Variants in PCDH15 observed in about 807,000 individuals in gnomAD.
The protein encoded by PCDH15 is protocadherin-15.
A neutral mutation model predicts 178.5 loss-of-function variants in PCDH15; 129 were observed. The observed-to-expected ratio is 0.72, with a 90% confidence interval of 0.63 to 0.84. The LOEUF (loss-of-function observed/expected upper bound fraction) is 0.84, where lower values mean the gene tolerates loss of function less well. Ranked by LOEUF, PCDH15 falls within the 40% of genes least tolerant of loss-of-function variation. The pLI is 0.00. For synonymous variants in PCDH15, 800 were observed against 732.0 expected (o/e 1.09, Z -1.50); for missense variants, 2,230 against 2,099.9 (o/e 1.06, Z -1.21).
intron 26 of PCDH15, among the ~76,000 whole-genome samples, chr10:53,881,001 TA>T (rs777656169): frequency 7.2e-5 from 11 of 152,308 alleles, no homozygotes; most frequent in Admixed American, 1.3e-4. Flanking sequence ...TGTGTGTGTT[TA>T]AAAACACACA....
chr10:54,917,351 C>G (rs1026686918), intron 2 of PCDH15, among the ~76,000 whole-genome samples: 29 of 152,140 alleles, frequency 1.9e-4, no homozygotes, highest in African/African-American at 6.5e-4. Context: ...TAGCTGATGT[C>G]TGAACAAACA....
intron 2 of PCDH15, among the ~76,000 whole-genome samples, chr10:54,936,265 T>C (rs975324383): frequency 3.3e-5 from 5 of 152,110 alleles, no homozygotes; most frequent in Non-Finnish European, 7.4e-5. Context: ...TACTACATTA[T>C]ATATGTCCAT....
chr10:54,651,583 T>C (rs1257490688), intron 2 of PCDH15, among the ~76,000 whole-genome samples: 1 of 152,144 alleles, frequency 6.6e-6, no homozygotes, highest in African/African-American at 2.4e-5. Flanking sequence ...ACATCTATCA[T>C]GGGTAGGTGA....
intron 17 of PCDH15, among the ~76,000 whole-genome samples, chr10:54,077,458 A>C (rs2094361625): frequency 6.6e-6 from 1 of 152,174 alleles, no homozygotes; most frequent in African/African-American, 2.4e-5. Context: ...ACAGACTTAA[A>C]ATGTTCTAGC....
intron 2 of PCDH15, among the ~76,000 whole-genome samples, chr10:55,540,802 C>A (rs904243821): frequency 6.6e-6 from 1 of 151,992 alleles, no homozygotes; most frequent in African/African-American, 2.4e-5. Context: ...AGTGCAAATT[C>A]ACTCTTAATA....
chr10:53,986,744 T>C (rs903827660), intron 21 of PCDH15, among the ~76,000 whole-genome samples: 1 of 152,218 alleles, frequency 6.6e-6, no homozygotes, highest in Non-Finnish European at 1.5e-5. Context: ...TACCGCATGA[T>C]TGCATTTACA....
At chr10:55,475,023 C>A (rs994028430) in intron 2 of PCDH15, among the ~76,000 whole-genome samples, 1 of 152,070 alleles carries the variant, frequency 6.6e-6, no homozygotes, top group Non-Finnish European at 1.5e-5. Context: ...AGTACCTTCA[C>A]AACACTCGTC....
chr10:55,327,316 CTGTTTA>C (rs1844058297), intron 2 of PCDH15, among the ~76,000 whole-genome samples: 1 of 152,006 alleles, frequency 6.6e-6, no homozygotes, highest in African/African-American at 2.4e-5. Context: ...TAAATTTCTT[CTGTTTA>C]TAAGTCATTT....
At chr10:54,219,725 T>TA (rs1161540297) in intron 9 of PCDH15, among the ~76,000 whole-genome samples, 1 of 150,150 alleles carries the variant, frequency 6.7e-6, no homozygotes, top group Non-Finnish European at 1.5e-5. Context: ...GAAAAGAAAC[T>TA]AAAAAACAAA....
At position 54,172,995 on chromosome 10, in the gene PCDH15, T is replaced by C. The variant is rs189935854; in HGVS notation, c.1590+10449A>G. Among the ~76,000 whole-genome samples the C allele has an allele frequency of 4.4e-4, 67 of 152,298 alleles. 1 individual carries two copies. Among genetic ancestry groups the C allele is most frequent in the East Asian group, 1.9e-4 (1 of 5,190 alleles). On this transcript the variant is annotated intron_variant, in intron 13 of 37. Coordinates refer to ENST00000644397, the MANE Select transcript of PCDH15 (RefSeq NM_001384140.1). Reference sequence around the variant, plus strand: ...AGGGGATAACGTCTGAAAAATAATATAAAATCTAAATATTCTGTTTTCAGT... The same window carrying C: ...AGGGGATAACGTCTGAAAAATAATACAAAATCTAAATATTCTGTTTTCAGT...
At chr10:54,880,768 A>G (rs1001788949) in intron 3 of PCDH15, among the ~76,000 whole-genome samples, 1 of 149,248 alleles carries the variant, frequency 6.7e-6, no homozygotes, top group East Asian at 1.9e-4. Context: ...GAATGAGAGA[A>G]GTGCATACTA....
At chr10:54,683,924 A>T (rs566979201) in intron 1 of PCDH15, among the ~76,000 whole-genome samples, 2 of 152,192 alleles carry the variant, frequency 1.3e-5, no homozygotes, top group Admixed American at 6.6e-5. Context: ...AAGGGTGTTG[A>T]TTATAGCATA....
chr10:53,986,370 T>A (rs891939102), intron 21 of PCDH15, among the ~76,000 whole-genome samples: 22 of 152,168 alleles, frequency 1.4e-4, no homozygotes, highest in African/African-American at 5.3e-4. Flanking sequence ...GCATTGTTGG[T>A]GGAAATGTAA....
chr10:54,507,268 AAAT>A (rs747229717), intron 3 of PCDH15, among the ~76,000 whole-genome samples: 17 of 151,606 alleles, frequency 1.1e-4, no homozygotes, highest in Non-Finnish European at 2.5e-4. Flanking sequence ...ATTTTCATTT[AAAT>A]AATAATAATA....
intron 10 of PCDH15, among the ~76,000 whole-genome samples, chr10:54,197,638 G>A (rs936646282): frequency 3.3e-5 from 5 of 152,010 alleles, no homozygotes; most frequent in African/African-American, 9.7e-5. Flanking sequence ...CTGTTAAAAC[G>A]TGAGGAAAGA....
intron 3 of PCDH15, among the ~76,000 whole-genome samples, chr10:54,420,457 A>G (rs1955094886): frequency 6.6e-6 from 1 of 152,082 alleles, no homozygotes; most frequent in Non-Finnish European, 1.5e-5. Flanking sequence ...CAAAAAGATT[A>G]TTTCACCCAA....
chr10:54,765,752 T>G (rs973145831), intron 1 of PCDH15, among the ~76,000 whole-genome samples: 3 of 152,068 alleles, frequency 2.0e-5, no homozygotes, highest in African/African-American at 7.2e-5. Context: ...TCAGATCTAT[T>G]AAGAAAGTCA....
Position 54,384,753 on chromosome 10 carries a change from C to T in PCDH15, c.158-5811G>A, listed in dbSNP as rs1393973255. Reference sequence around the variant, plus strand: ...TTCCCTTAGTTTTTCAGTCTTCCTACGGTTATAGCAGGAATGAAAATATTT... The same window carrying T: ...TTCCCTTAGTTTTTCAGTCTTCCTATGGTTATAGCAGGAATGAAAATATTT... On this transcript the variant is annotated intron_variant, in intron 3 of 37. Coordinates refer to ENST00000644397, the MANE Select transcript of PCDH15 (RefSeq NM_001384140.1). Among the ~76,000 whole-genome samples, 9 of 152,062 alleles carry T rather than the reference C, an allele frequency of 5.9e-5. No homozygotes were observed. In the East Asian group the frequency reaches 1.5e-3, roughly 26 times the overall value.
At chr10:55,457,790 T>G (rs2132088639) in intron 2 of PCDH15, among the ~76,000 whole-genome samples, 1 of 115,596 alleles carries the variant, frequency 8.7e-6, no homozygotes, top group Middle Eastern at 4.2e-3. Context: ...ATAATCCTCT[T>G]TTGTATTTCC....
Sources: gnomAD v4.1 joint callset for allele counts (sites outside exome capture counted in the v4.1 genomes callset) on GRCh38, gnomAD v4.1.1 for gene constraint, MANE v1.5 for transcripts, NCBI Gene and HGNC (gene_info 2026-07-23, HGNC 2026-07-21) for gene names.